Variants in NEK11 observed in about 807,000 individuals in gnomAD.
The protein encoded by NEK11 is NIMA related kinase 11, also known as serine/threonine-protein kinase Nek11.
In NEK11, 72 loss-of-function variants were observed where a neutral mutation model predicts 80.7. The ratio of observed to expected loss-of-function variants is 0.89; its 90% CI spans 0.74 to 1.08. NEK11 has a LOEUF of 1.08. Among genes scored for constraint, NEK11 ranks in the 50% least tolerant of loss-of-function variants. The pLI is 0.00. For missense variants in NEK11, 764 were observed against 763.6 expected (o/e 1.00, Z -0.01); for synonymous variants, 251 against 260.7 (o/e 0.96, Z 0.36).
intron 5 of NEK11, among the ~76,000 whole-genome samples, chr3:131,126,128 A>G (rs2083285257): frequency 6.6e-6 from 1 of 152,192 alleles, no homozygotes; most frequent in Non-Finnish European, 1.5e-5. Flanking sequence ...TTTGACTCCA[A>G]TTGTGTCCTT....
At chr3:131,197,743 G>C (rs1258944743) in intron 14 of NEK11, among the ~76,000 whole-genome samples, 1 of 152,148 alleles carries the variant, frequency 6.6e-6, no homozygotes, top group African/African-American at 2.4e-5. Context: ...TCCTCGTGAG[G>C]TTCCCTATTC....
intron 15 of NEK11, among the ~76,000 whole-genome samples, chr3:131,233,208 G>A (rs1437101560): frequency 1.3e-5 from 2 of 152,110 alleles, no homozygotes; most frequent in Non-Finnish European, 2.9e-5. Context: ...CTGTCAAGAG[G>A]GAGCGCAAGG....
At chr3:131,298,679 A>G (rs1008032595) in intron 17 of NEK11, among the ~76,000 whole-genome samples, 4 of 152,020 alleles carry the variant, frequency 2.6e-5, no homozygotes, top group African/African-American at 9.7e-5. Context: ...GTTTGAAAAT[A>G]ATATGCCTAG....
At chr3:131,197,817 T>C (rs1055831971) in intron 14 of NEK11, among the ~76,000 whole-genome samples, 5 of 152,156 alleles carry the variant, frequency 3.3e-5, no homozygotes, top group Non-Finnish European at 1.5e-5. Context: ...CTAGGGGTCC[T>C]TCTATAAGCA....
intron 16 of NEK11, among the ~76,000 whole-genome samples, chr3:131,269,185 G>A (rs1190903726): frequency 6.6e-6 from 1 of 152,220 alleles, no homozygotes; most frequent in Admixed American, 6.5e-5. Flanking sequence ...TCAAGCTGGT[G>A]GATCTTAGCT....
At chr3:131,234,658 T>G (rs1360769232) in intron 15 of NEK11, among the ~76,000 whole-genome samples, 1 of 152,140 alleles carries the variant, frequency 6.6e-6, no homozygotes, top group Middle Eastern at 3.4e-3. Context: ...ATTTCCGTCA[T>G]GATTCTTCCC....
chr3:131,255,408 G>T (rs2095798236), intron 16 of NEK11, among the ~76,000 whole-genome samples: 1 of 152,036 alleles, frequency 6.6e-6, no homozygotes, highest in Non-Finnish European at 1.5e-5. Flanking sequence ...GTTTGTTAAA[G>T]GTGACCTTTT....
intron 3 of NEK11, among the ~76,000 whole-genome samples, chr3:131,040,474 T>G (rs1188785759): frequency 1.3e-5 from 2 of 152,150 alleles, no homozygotes; most frequent in African/African-American, 4.8e-5. Flanking sequence ...GTGCAGTGTA[T>G]TATGTCAATT....
intron 17 of NEK11, among the ~76,000 whole-genome samples, chr3:131,289,098 G>A (rs1342794647): frequency 1.3e-5 from 2 of 152,208 alleles, no homozygotes; most frequent in East Asian, 3.8e-4. Context: ...CAGTTTTGAA[G>A]GCTGGAAGTC....
At chr3:131,223,920 AAAAT>A (rs1392567156) in intron 14 of NEK11, among the ~76,000 whole-genome samples, 7 of 152,210 alleles carry the variant, frequency 4.6e-5, no homozygotes, top group African/African-American at 7.2e-5. Flanking sequence ...TATTCTATTT[AAAAT>A]AAATAAATAT....
intron 17 of NEK11, among the ~76,000 whole-genome samples, chr3:131,312,998 C>T (rs2096796856): frequency 6.6e-6 from 1 of 151,914 alleles, no homozygotes; most frequent in Non-Finnish European, 1.5e-5. Context: ...TCTAGTAGGC[C>T]CCAGCGTCTG....
intron 14 of NEK11, among the ~76,000 whole-genome samples, chr3:131,184,249 T>A (rs1439193141): frequency 6.6e-6 from 1 of 152,224 alleles, no homozygotes; most frequent in Non-Finnish European, 1.5e-5. Flanking sequence ...ACTAGTTCTT[T>A]GTTACTCAAA....
At chr3:131,240,612 A>G (rs1206942576) in intron 15 of NEK11, among the ~76,000 whole-genome samples, 1 of 152,162 alleles carries the variant, frequency 6.6e-6, no homozygotes, top group Non-Finnish European at 1.5e-5. Context: ...AATACAGTCT[A>G]TCGATGTCAT....
intron 16 of NEK11, among the ~76,000 whole-genome samples, chr3:131,267,342 A>AG (rs1395404327): frequency 6.6e-6 from 1 of 152,122 alleles, no homozygotes; most frequent in Admixed American, 6.5e-5. Flanking sequence ...GTTCCTTTCC[A>AG]TGTTTAGTGC....
intron 17 of NEK11, among the ~76,000 whole-genome samples, chr3:131,340,089 G>A (rs2097262096): frequency 6.6e-6 from 1 of 152,130 alleles, no homozygotes; most frequent in Non-Finnish European, 1.5e-5. Flanking sequence ...TGGACAATTG[G>A]GGGAAATCTG....
Position 131,026,975 on chromosome 3 carries a change from C to T in NEK11, c.-201C>T, listed in dbSNP as rs1577127643. ...CGATTACCCGCAAGACTTGGGCAGC[C>T]CCGGGCGCCGCTCCGACCACGACAG... is the stretch of plus-strand genomic sequence containing the variant. On this transcript the variant is annotated 5_prime_UTR_variant, in exon 1 of 18. Transcript: ENST00000383366. 6.6e-6 allele frequency: 1 copy of T among 152,336 alleles called. No individual in the cohort carries two copies. Among genetic ancestry groups the T allele is most frequent in the East Asian group, 1.9e-4 (1 of 5,178 alleles). 9.4% of individuals were successfully genotyped at this position (152,336 alleles called of 1,614,324 possible). A position where few individuals can be genotyped will look rare whatever the true frequency, so the allele number is the denominator to read the frequency against.
chr3:131,195,820 A>AT (rs1553929089), intron 14 of NEK11, among the ~76,000 whole-genome samples: 8 of 143,506 alleles, frequency 5.6e-5, no homozygotes, highest in East Asian at 2.0e-4. Context: ...ATATATATAT[A>AT]AAATTGAAGA....
intron 15 of NEK11, among the ~76,000 whole-genome samples, chr3:131,237,944 C>T (rs758249623): frequency 7.0e-4 from 106 of 152,172 alleles, no homozygotes; most frequent in Non-Finnish European, 1.1e-3. Flanking sequence ...TACTAACCCT[C>T]CCGTCTCATT....
intron 3 of NEK11, among the ~76,000 whole-genome samples, chr3:131,038,719 A>T (rs2066009769): frequency 6.6e-6 from 1 of 152,234 alleles, no homozygotes; most frequent in Admixed American, 6.5e-5. Flanking sequence ...AAGAAAACAA[A>T]AGTGATGTAT....
Sources: gnomAD v4.1 joint callset for allele counts (sites outside exome capture counted in the v4.1 genomes callset) on GRCh38, gnomAD v4.1.1 for gene constraint, MANE v1.5 for transcripts, NCBI Gene and HGNC (gene_info 2026-07-23, HGNC 2026-07-21) for gene names.